The following RGS13 variants were observed in gnomAD, a reference collection of about 807,000 sequenced individuals.
RGS13 encodes regulator of G protein signaling 13.
Under a neutral mutation model 19.9 loss-of-function variants are expected in RGS13, and 14 were observed. The ratio of observed to expected loss-of-function variants is 0.70; its 90% confidence interval spans 0.46 to 1.10. The LOEUF (loss-of-function observed/expected upper bound fraction) is 1.10. RGS13 is among the 50% of genes least tolerant of loss of function. RGS13 has a pLI of 0.00. For missense variants in RGS13, 205 were observed against 187.1 expected (o/e 1.10, Z -0.56); for synonymous variants, 60 against 56.8 (o/e 1.06, Z -0.25).
intron 5 of RGS13, among the ~76,000 whole-genome samples, chr1:192,656,273 A>G (rs1663436410): frequency 6.6e-6 from 1 of 151,982 alleles, no homozygotes; most frequent in South Asian, 2.1e-4. Flanking sequence ...TTTCTGTTCC[A>G]TAGCTAAGTA....
At chr1:192,653,143 T>C (rs1000376043) in intron 5 of RGS13, among the ~76,000 whole-genome samples, 13 of 151,984 alleles carry the variant, frequency 8.6e-5, no homozygotes, top group Non-Finnish European at 1.6e-4. Context: ...GTAACAGAGA[T>C]AGTGTCTTCA....
chr1:192,658,032 G>A (rs925328464), intron 5 of RGS13, among the ~76,000 whole-genome samples, 169 bp from the exon 6 acceptor site: 17 of 152,062 alleles, frequency 1.1e-4, no homozygotes, highest in South Asian at 8.3e-4. Flanking sequence ...TCAGATGTTC[G>A]CTCTAAGTGT....
At chr1:192,641,140 G>GGAAA (rs201098618) in intron 3 of RGS13, among the ~76,000 whole-genome samples, 1 of 139,082 alleles carries the variant, frequency 7.2e-6, no homozygotes, top group African/African-American at 2.7e-5. Context: ...ATGGAAGGAA[G>GGAAA]GAAAGAAAGA....
At chr1:192,638,562 G>C (rs958379324) in intron 3 of RGS13, among the ~76,000 whole-genome samples, 10 of 152,016 alleles carry the variant, frequency 6.6e-5, no homozygotes, top group Non-Finnish European at 1.3e-4. Flanking sequence ...ACAAACATGT[G>C]GATGGACTTT....
intron 4 of RGS13, 140 bp from the exon 5 acceptor site, chr1:192,647,786 A>G: frequency 2.4e-6 from 1 of 410,990 alleles, no homozygotes; most frequent in Non-Finnish European, 4.4e-6. Flanking sequence ...TCACAGGAAA[A>G]TAACTTTCCA....
rs1486994453 is a variant in RGS13, at chr1:192,659,409, A to C, written c.366A>C (p.Glu122Asp). 1 of 1,612,912 alleles carries C rather than the reference A, an allele frequency of 6.2e-7. No homozygotes were observed. The highest frequency in any genetic ancestry group is 8.5e-7 in the Non-Finnish European group (1 of 1,179,300). ...AGGAACCCACTGAAACATGTTTTGA[A>C]GAAGCTCAGAAAATAGTCTATATGC... ...NIQEPTETCF[E>D]EAQKIVYMHM... Residue 122 changes from glutamate (E) to aspartate (D), a missense_variant, in exon 7 of 7, where the codon GAA becomes GAC. Transcript: ENST00000391995.
rs529030881 is a variant in RGS13, at chr1:192,658,299, C to T, written c.226C>T (p.Arg76Trp). 2.5e-5 allele frequency: 40 copies of T among 1,613,414 alleles called. No homozygotes were observed. The highest frequency in any genetic ancestry group is 6.7e-5 in the East Asian group (3 of 44,782). ...TGAAACCTATAAGAAAATTGCCTCACGGTGGAGCAGAATTTCTAGGGCAAA... is the reference window on the plus strand; with the variant it reads ...TGAAACCTATAAGAAAATTGCCTCATGGTGGAGCAGAATTTCTAGGGCAAA... The part of the protein sequence containing the change: ...ACETYKKIAS[R>W]WSRISRAKKL... The change falls in exon 6 of 7, where the codon CGG (arginine) becomes TGG (tryptophan). Residue 76 changes from arginine (R) to tryptophan (W), a missense_variant. Coordinates refer to ENST00000391995, the MANE Select transcript of RGS13 (RefSeq NM_002927.5).
At chr1:192,641,307 A>AAAGAAAGAAG in intron 3 of RGS13, among the ~76,000 whole-genome samples, 1 of 55,352 alleles carries the variant, frequency 1.8e-5, no homozygotes. Flanking sequence ...AGAAAGAAAG[A>AAAGAAAGAAG]AAAGAAAGAA....
At chr1:192,644,687 T>G in intron 4 of RGS13, 1 of 240,602 alleles carries the variant, frequency 4.2e-6, no homozygotes, top group Non-Finnish European at 7.9e-6. Context: ...TAAAATGAGA[T>G]TCTTCAATCC....
chr1:192,643,089 G>C (rs932864497), intron 3 of RGS13, among the ~76,000 whole-genome samples: 8 of 151,952 alleles, frequency 5.3e-5, no homozygotes, highest in African/African-American at 1.9e-4. Flanking sequence ...TAGAACTCCT[G>C]GGCTCAAGCA....
chr1:192,651,252 G>A (rs1663329758), intron 5 of RGS13, among the ~76,000 whole-genome samples: 3 of 152,106 alleles, frequency 2.0e-5, no homozygotes, highest in Non-Finnish European at 2.9e-5. Flanking sequence ...CTGAGGTGAG[G>A]AAGGAACAGT....
At chr1:192,657,499 T>C (rs1362762349) in intron 5 of RGS13, among the ~76,000 whole-genome samples, 2 of 152,086 alleles carry the variant, frequency 1.3e-5, no homozygotes, top group African/African-American at 4.8e-5. Context: ...AGATCAGAGT[T>C]GAAGATAAGA....
chr1:192,640,261 G>A (rs905955262), intron 3 of RGS13, among the ~76,000 whole-genome samples: 5 of 152,076 alleles, frequency 3.3e-5, no homozygotes, highest in East Asian at 1.9e-4. Context: ...CTTGAAACTC[G>A]AACTAAGTAG....
intron 5 of RGS13, among the ~76,000 whole-genome samples, chr1:192,648,446 C>T (rs1372818151): frequency 6.6e-6 from 1 of 152,002 alleles, no homozygotes; most frequent in African/African-American, 2.4e-5. Flanking sequence ...AGGTAAGTAT[C>T]GACATTAACA....
chr1:192,652,531 C>T (rs1009708443), intron 5 of RGS13, among the ~76,000 whole-genome samples: 11 of 151,994 alleles, frequency 7.2e-5, no homozygotes, highest in African/African-American at 2.2e-4. Context: ...TTTAACTTCT[C>T]ATGCACTTCT....
chr1:192,654,216 A>G (rs902381411), intron 5 of RGS13, among the ~76,000 whole-genome samples: 2 of 151,934 alleles, frequency 1.3e-5, no homozygotes, highest in African/African-American at 4.8e-5. Context: ...CTGATTCCAT[A>G]GATATGGAAC....
intron 6 of RGS13, chr1:192,658,613 C>A (rs1386227055): frequency 2.8e-6 from 1 of 358,566 alleles, no homozygotes; most frequent in Admixed American, 4.3e-5. Context: ...CAAAGCTTCT[C>A]CCCATTAAAT....
chr1:192,658,259 A>C lies in RGS13; in HGVS notation c.186A>C (p.Gln62His), dbSNP rs541050160. 1.9e-6 allele frequency: 3 copies of C among 1,613,502 alleles called. No homozygotes were observed. The change falls in exon 6 of 7, where the codon CAA becomes CAC. Residue 62 changes from glutamine (Q) to histidine (H), a missense_variant. By Grantham distance (24) the Gln-to-His change is conservative. Coordinates refer to ENST00000391995, the MANE Select transcript of RGS13 (RefSeq NM_002927.5). Reference sequence around the variant, plus strand: ...TGGAGCACAGTGACGAGAATATTCAATTCTGGATGGCATGTGAAACCTATA... The same window carrying C: ...TGGAGCACAGTGACGAGAATATTCACTTCTGGATGGCATGTGAAACCTATA... ...LKMEHSDENI[Q>H]FWMACETYKK...
At chr1:192,640,833 G>A (rs10127997) in intron 3 of RGS13, among the ~76,000 whole-genome samples, 63,357 of 151,892 alleles carry the variant, frequency 0.42, 13,648 homozygotes, top group South Asian at 0.49. Context: ...CTTCTCCAAT[G>A]TCTTAACTCC....
Sources: allele counts gnomAD v4.1 joint callset (sites outside exome capture counted in the v4.1 genomes callset), GRCh38; gene constraint gnomAD v4.1.1; transcripts MANE v1.5; gene names NCBI Gene and HGNC (gene_info 2026-07-23, HGNC 2026-07-21).